IL1RAPL2: variants seen among roughly 807,000 people sequenced by gnomAD.
IL1RAPL2 encodes the protein X-linked interleukin-1 receptor accessory protein-like 2.
A neutral mutation model predicts 44.1 loss-of-function variants in IL1RAPL2; 3 were observed. The observed-to-expected ratio is 0.07, with a 90% CI of 0.03 to 0.18. The LOEUF (loss-of-function observed/expected upper bound fraction) is 0.18, where lower values mean the gene tolerates loss of function less well. IL1RAPL2 is among the 10% of genes least tolerant of loss of function. The pLI is 1.00. For missense variants in IL1RAPL2, 391 were observed against 496.4 expected (o/e 0.79, Z 2.02); for synonymous variants, 181 against 178.8 (o/e 1.01, Z -0.10).
intron 5 of IL1RAPL2, among the ~76,000 whole-genome samples, chrX:105,367,019 C>CAT (rs757805309): frequency 1.8e-5 from 2 of 111,657 alleles, no homozygotes; most frequent in African/African-American, 3.3e-5. Context: ...TGATGTTGGA[C>CAT]ATATATATAC....
At chrX:105,440,019 A>G (rs2035909758) in intron 5 of IL1RAPL2, among the ~76,000 whole-genome samples, 1 of 111,965 alleles carries the variant, frequency 8.9e-6, no homozygotes, top group Admixed American at 9.5e-5. Context: ...AGAAATGGTC[A>G]TGGAGGTTTA....
At chrX:105,632,589 G>A (rs210544) in intron 6 of IL1RAPL2, among the ~76,000 whole-genome samples, 51,379 of 110,187 alleles carry the variant, frequency 0.47, 10,442 homozygotes, top group African/African-American at 0.8. Flanking sequence ...CCATACAGAC[G>A]CCTCACTTTT....
At chrX:104,898,511 G>C (rs1258628679) in intron 2 of IL1RAPL2, among the ~76,000 whole-genome samples, 2 of 112,216 alleles carry the variant, frequency 1.8e-5, no homozygotes, top group Non-Finnish European at 3.8e-5. Context: ...CAAAAGGCTG[G>C]GGTTAACCTT....
intron 3 of IL1RAPL2, chrX:105,220,076 C>G (rs1556178739): frequency 8.3e-7 from 1 of 1,211,719 alleles, no homozygotes; most frequent in East Asian, 3.0e-5. Flanking sequence ...AGGTCTGATG[C>G]CAAGGCCTGT....
intron 6 of IL1RAPL2, among the ~76,000 whole-genome samples, chrX:105,588,717 A>C (rs1226150721): frequency 8.9e-6 from 1 of 111,879 alleles, no homozygotes; most frequent in Non-Finnish European, 1.9e-5. Flanking sequence ...AAATGACATG[A>C]TCTCATTTTT....
chrX:105,416,594 T>C (rs138362123), intron 5 of IL1RAPL2, among the ~76,000 whole-genome samples: 4 of 112,411 alleles, frequency 3.6e-5, no homozygotes, highest in African/African-American at 6.5e-5. Flanking sequence ...ATGTAAACTA[T>C]TATTTTTACT....
At chrX:104,608,166 G>A (rs1929059182) in intron 1 of IL1RAPL2, among the ~76,000 whole-genome samples, 1 of 110,781 alleles carries the variant, frequency 9.0e-6, no homozygotes, top group Admixed American at 9.6e-5. Context: ...ACTCGTAAGT[G>A]GGAGTTGAAC....
At chrX:105,568,262 A>C (rs1326836986) in intron 6 of IL1RAPL2, among the ~76,000 whole-genome samples, 1 of 111,722 alleles carries the variant, frequency 9.0e-6, no homozygotes, top group Non-Finnish European at 1.9e-5. Flanking sequence ...TCTTTCTTCA[A>C]GCAGTATCAT....
At chrX:104,928,641 C>T (rs1924828478) in intron 2 of IL1RAPL2, among the ~76,000 whole-genome samples, 1 of 111,412 alleles carries the variant, frequency 9.0e-6, no homozygotes, top group South Asian at 3.8e-4. Context: ...TCCCAACTCC[C>T]AGAGCTCAAG....
intron 2 of IL1RAPL2, among the ~76,000 whole-genome samples, chrX:104,822,733 A>G (rs1921336122): frequency 8.9e-6 from 1 of 111,979 alleles, no homozygotes. Context: ...TGTCTTGTCT[A>G]TATGGGATCT....
intron 2 of IL1RAPL2, among the ~76,000 whole-genome samples, chrX:104,855,680 C>T (rs1329131799): frequency 3.7e-5 from 2 of 53,778 alleles, no homozygotes; most frequent in Admixed American, 1.8e-4. Flanking sequence ...GATCTGGATC[C>T]GTTTTTTTTT....
intron 5 of IL1RAPL2, among the ~76,000 whole-genome samples, chrX:105,295,240 CAT>C (rs2034645674): frequency 9.0e-6 from 1 of 111,320 alleles, no homozygotes; most frequent in South Asian, 3.8e-4. Context: ...AAAGGAGTAA[CAT>C]ATGGAAAATG....
chrX:104,894,638 A>G (rs1454361908), intron 2 of IL1RAPL2, among the ~76,000 whole-genome samples: 2 of 111,856 alleles, frequency 1.8e-5, no homozygotes, highest in Admixed American at 1.9e-4. Context: ...CAGCTCCATC[A>G]GGTCATTTAA....
intron 2 of IL1RAPL2, among the ~76,000 whole-genome samples, chrX:104,838,032 G>T (rs1921790203): frequency 9.0e-6 from 1 of 111,412 alleles, no homozygotes; most frequent in Non-Finnish European, 1.9e-5. Context: ...AAGACCAGTT[G>T]GTTGTAAGTG....
chrX:105,132,385 T>C lies in IL1RAPL2; in HGVS notation c.83-63090T>C, dbSNP rs942016948. ...AAGCTGCTTCCTCTCAAAAAGTTCA[T>C]TTAAGATAATTTCGCCATTTAAAAG... is the stretch of plus-strand genomic sequence containing the variant. On this transcript the variant is annotated intron_variant, in intron 2 of 10. Transcript: ENST00000372582. Among the ~76,000 whole-genome samples the C allele has an allele frequency of 2.7e-5, 3 of 111,022 alleles. No individual in the cohort carries two copies. In the Admixed American group the frequency reaches 2.9e-4, roughly 11 times the overall value.
At chrX:104,608,756 A>G (rs5917106) in intron 1 of IL1RAPL2, among the ~76,000 whole-genome samples, 37,169 of 100,207 alleles carry the variant, frequency 0.37, 5,747 homozygotes, top group East Asian at 0.55. Flanking sequence ...TGCACATGAG[A>G]TGGGTCTCCT....
At chrX:105,345,238 A>G (rs773014365) in intron 5 of IL1RAPL2, among the ~76,000 whole-genome samples, 6 of 112,216 alleles carry the variant, frequency 5.3e-5, no homozygotes, top group African/African-American at 1.9e-4. Flanking sequence ...AAAATCATTT[A>G]TCAGATGCCT....
chrX:104,979,247 A>G (rs901612681), intron 2 of IL1RAPL2, among the ~76,000 whole-genome samples: 1 of 111,455 alleles, frequency 9.0e-6, no homozygotes, highest in Non-Finnish European at 1.9e-5. Flanking sequence ...ACTATACAGT[A>G]AAAAGTAAAG....
chrX:105,406,331 T>G lies in IL1RAPL2; in HGVS notation c.698-77982T>G, dbSNP rs2035644153. 8 of 1,065,513 alleles carry G rather than the reference T, an allele frequency of 7.5e-6. No homozygotes were observed. The East Asian group carries it at 2.4e-4, about 32-fold the overall frequency. 87.8% of individuals were successfully genotyped at this position (1,065,513 alleles called of 1,213,427 possible). On this transcript the variant is annotated intron_variant, in intron 5 of 10. Transcript: ENST00000372582. ...GTACTTTGAACCCATTTTGAACTCCTTGCGTCATGGACAGCTCATTGTAAA... is the reference window on the plus strand; with the variant it reads ...GTACTTTGAACCCATTTTGAACTCCGTGCGTCATGGACAGCTCATTGTAAA...
Sources: gnomAD v4.1 joint callset for allele counts (sites outside exome capture counted in the v4.1 genomes callset) on GRCh38, gnomAD v4.1.1 for gene constraint, MANE v1.5 for transcripts, NCBI Gene and HGNC (gene_info 2026-07-23, HGNC 2026-07-21) for gene names.